Variants in OR5D3 observed in about 807,000 individuals in gnomAD.
OR5D3 encodes the protein olfactory receptor family 5 subfamily D member 3.
chr11:55,728,004 C>G, the OR5D3 span: 1 of 152,034 alleles, frequency 6.6e-6, no homozygotes, highest in Non-Finnish European at 1.5e-5. Flanking sequence ...TGATATCTAA[C>G]AGTAAGCAAT....
At chr11:55,728,960 C>T in the OR5D3 span, 1 of 151,786 alleles carries the variant, frequency 6.6e-6, no homozygotes, top group Admixed American at 6.6e-5. Context: ...GTATGCATCG[C>T]AGAATATTTA....
At chr11:55,724,490 A>G in the OR5D3 span, among the ~76,000 whole-genome samples, 4 of 152,086 alleles carry the variant, frequency 2.6e-5, no homozygotes, top group Non-Finnish European at 4.4e-5. Context: ...AGATGGTAAA[A>G]TAAAGCATTA....
chr11:55,727,396 G>T, the OR5D3 span: 1 of 270,882 alleles, frequency 3.7e-6, no homozygotes, highest in Non-Finnish European at 6.8e-6. Context: ...TACGTTTATT[G>T]TGATTGTCCA....
At chr11:55,724,034 C>T in the OR5D3 span, 2 of 397,950 alleles carry the variant, frequency 5.0e-6, no homozygotes, top group Admixed American at 4.4e-5. Flanking sequence ...AAATGAATCA[C>T]TCAGATGCCT....
At chr11:55,729,501 T>A in the OR5D3 span, 1 of 152,014 alleles carries the variant, frequency 6.6e-6, no homozygotes, top group Non-Finnish European at 1.5e-5. Flanking sequence ...TGGACCATTT[T>A]ATGTAAATGT....
the OR5D3 span, chr11:55,728,408 C>G: frequency 6.6e-6 from 1 of 152,084 alleles, no homozygotes; most frequent in Non-Finnish European, 1.5e-5. Flanking sequence ...TAAACACATT[C>G]TTCCTTGATA....
At chr11:55,727,683 A>C in the OR5D3 span, 15,507 of 152,042 alleles carry the variant, frequency 0.1, 959 homozygotes, top group African/African-American at 0.16. Flanking sequence ...TGGTATTATA[A>C]ATTATATTTT....
At chr11:55,726,718 T>C in the OR5D3 span, 35,115 of 399,096 alleles carry the variant, frequency 0.088, 1,759 homozygotes, top group African/African-American at 0.16. Context: ...TTTATCTTTT[T>C]GTAGGACTAA....
At chr11:55,724,206 T>A in the OR5D3 span, among the ~76,000 whole-genome samples, 9 of 151,806 alleles carry the variant, frequency 5.9e-5, no homozygotes, top group African/African-American at 2.2e-4. Context: ...TGTTATATCC[T>A]GATTCCTTCT....
At chr11:55,726,770 C>G in the OR5D3 span, 1 of 399,000 alleles carries the variant, frequency 2.5e-6, no homozygotes, top group Non-Finnish European at 4.4e-6. Context: ...GCCATTGTTG[C>G]TGTGTCCTGC....
the OR5D3 span, chr11:55,728,376 T>C: frequency 2.6e-5 from 4 of 152,064 alleles, no homozygotes; most frequent in African/African-American, 9.7e-5. Context: ...GGGTTCAAAA[T>C]TGATTGAAAC....
the OR5D3 span, chr11:55,727,500 TA>T: frequency 1.3e-5 from 2 of 157,342 alleles, no homozygotes; most frequent in African/African-American, 4.8e-5. Flanking sequence ...GTTTACCTGA[TA>T]ACATAAAATT....
the OR5D3 span, chr11:55,728,815 A>C: frequency 6.6e-6 from 1 of 152,086 alleles, no homozygotes; most frequent in African/African-American, 2.4e-5. Flanking sequence ...GATTTACTTT[A>C]ATTTTTAACT....
the OR5D3 span, chr11:55,726,571 T>C: frequency 2.5e-6 from 1 of 406,376 alleles, no homozygotes; most frequent in Non-Finnish European, 4.4e-6. Context: ...AGCGATGGCT[T>C]ATGACAGATT....
At chr11:55,728,027 G>A in the OR5D3 span, 1 of 151,986 alleles carries the variant, frequency 6.6e-6, no homozygotes, top group African/African-American at 2.4e-5. Context: ...TTTCAAATAA[G>A]TGACTTGACT....
At chr11:55,729,154 C>T in the OR5D3 span, 4 of 151,792 alleles carry the variant, frequency 2.6e-5, no homozygotes, top group African/African-American at 9.7e-5. Context: ...CATAAATGGG[C>T]AGTTTACACA....
the OR5D3 span, among the ~76,000 whole-genome samples, chr11:55,725,643 G>T: frequency 2.6e-5 from 4 of 151,948 alleles, no homozygotes; most frequent in African/African-American, 7.3e-5. Flanking sequence ...AGTTCAACAT[G>T]CATGAGAAAG....
the OR5D3 span, chr11:55,727,207 C>G: frequency 5.0e-6 from 2 of 397,610 alleles, no homozygotes; most frequent in Middle Eastern, 6.3e-4. Flanking sequence ...TGCAGTTGTT[C>G]AATAACTAGT....
chr11:55,728,366 G>T, the OR5D3 span: 1 of 152,018 alleles, frequency 6.6e-6, no homozygotes, highest in Admixed American at 6.6e-5. Flanking sequence ...ATGAAAAACT[G>T]GGTTCAAAAT....
Sources: gnomAD v4.1 joint callset for allele counts (sites outside exome capture counted in the v4.1 genomes callset) on GRCh38, gnomAD v4.1.1 for gene constraint, MANE v1.5 for transcripts, NCBI Gene and HGNC (gene_info 2026-07-23, HGNC 2026-07-21) for gene names.